Variants in REPS2 observed in about 807,000 individuals in gnomAD.
REPS2 encodes the protein RALBP1 associated Eps domain containing 2, also known as ralBP1-associated Eps domain-containing protein 2.
REPS2 carries 23 observed loss-of-function variants against 53.6 expected under a neutral mutation model. That is an observed-to-expected ratio of 0.43 (90% CI 0.31 to 0.61). REPS2 has a LOEUF of 0.61. Ranked by LOEUF, REPS2 falls within the 20% of genes least tolerant of loss-of-function variation. The pLI is 0.11. For synonymous variants in REPS2, 238 were observed against 218.6 expected, an observed-to-expected ratio of 1.09 and a Z score of -0.78; for missense variants, 446 against 534.9, an observed-to-expected ratio of 0.83 and a Z score of 1.64.
chrX:17,008,374 C>A (rs1479238889), intron 2 of REPS2, among the ~76,000 whole-genome samples: 4 of 112,108 alleles, frequency 3.6e-5, no homozygotes, highest in African/African-American at 1.3e-4. Context: ...AGTCTTTTAC[C>A]TGATTTGTGC....
chrX:17,147,253 C>T (rs760037003), intron 17 of REPS2, among the ~76,000 whole-genome samples, 160 bp from the exon 18 acceptor site: 2 of 111,794 alleles, frequency 1.8e-5, no homozygotes, highest in Non-Finnish European at 3.8e-5. Flanking sequence ...TGGTCACCAG[C>T]ATTAAATCTG....
At chrX:17,024,968 C>T in intron 3 of REPS2, 91 bp from the exon 4 acceptor site, 3 of 1,161,806 alleles carry the variant, frequency 2.6e-6, no homozygotes. Context: ...AGCTGGGTCA[C>T]CAGCAGTAGA....
At chrX:17,049,186 C>A (rs1309712486) in intron 6 of REPS2, among the ~76,000 whole-genome samples, 1 of 112,385 alleles carries the variant, frequency 8.9e-6, no homozygotes, top group Non-Finnish European at 1.9e-5. Context: ...AGCCACCGCA[C>A]CTGGCCTTTT....
chrX:17,189,843 T>G, the REPS2 span, among the ~76,000 whole-genome samples: 1 of 112,126 alleles, frequency 8.9e-6, no homozygotes, highest in Non-Finnish European at 1.9e-5. Flanking sequence ...ACAGACAATA[T>G]TTAAGAGAGT....
At chrX:17,050,194 CTTTTTTTTTTT>C (rs200986826) in intron 6 of REPS2, among the ~76,000 whole-genome samples, 4 of 51,795 alleles carry the variant, frequency 7.7e-5, no homozygotes, top group African/African-American at 3.8e-4. Context: ...TTCTTTCTTT[CTTTTTTTTTTT>C]TTTTTGACAG....
At chrX:16,951,500 TACACAC>T (rs1157042780) in intron 1 of REPS2, among the ~76,000 whole-genome samples, 1,791 of 60,052 alleles carry the variant, frequency 0.03, 47 homozygotes, top group African/African-American at 0.047. Context: ...AAACCCCATC[TACACAC>T]ACACACACAC....
chrX:17,120,974 C>T (rs1224579901), intron 14 of REPS2, among the ~76,000 whole-genome samples: 1 of 111,821 alleles, frequency 8.9e-6, no homozygotes, highest in Non-Finnish European at 1.9e-5. Flanking sequence ...CCCTCCTGCT[C>T]TTATCTCAAG....
the REPS2 span, among the ~76,000 whole-genome samples, chrX:17,174,484 A>G: frequency 8.9e-6 from 1 of 111,739 alleles, no homozygotes; most frequent in Non-Finnish European, 1.9e-5. Context: ...GGTGATTCTA[A>G]TGTGCAGCCA....
At chrX:17,121,385 A>G (rs1331766194) in intron 14 of REPS2, among the ~76,000 whole-genome samples, 2 of 112,372 alleles carry the variant, frequency 1.8e-5, no homozygotes, top group South Asian at 3.7e-4. Flanking sequence ...GAATGCTCCC[A>G]CCATGCTGAC....
chrX:17,027,659 G>GTTTTTTTT (rs761592588), intron 4 of REPS2, among the ~76,000 whole-genome samples: 3 of 67,271 alleles, frequency 4.5e-5, no homozygotes, highest in African/African-American at 6.1e-5. Context: ...AAATCTTTAG[G>GTTTTTTTT]TTTTTTTTTT....
intron 14 of REPS2, among the ~76,000 whole-genome samples, chrX:17,117,948 CTTTTTTT>C (rs145872769): frequency 2.9e-3 from 90 of 30,571 alleles, no homozygotes; most frequent in South Asian, 6.4e-3. Context: ...TGTTTCCTGA[CTTTTTTT>C]TTTTTTTTTT....
intron 12 of REPS2, among the ~76,000 whole-genome samples, chrX:17,076,232 C>G (rs765757103): frequency 8.9e-6 from 1 of 112,166 alleles, no homozygotes; most frequent in Non-Finnish European, 1.9e-5. Context: ...AAATGCCACT[C>G]TAATAGCTAA....
intron 13 of REPS2, among the ~76,000 whole-genome samples, chrX:17,081,674 C>T (rs1330855309): frequency 2.7e-5 from 3 of 111,964 alleles, no homozygotes; most frequent in Admixed American, 1.9e-4. Context: ...GCATCAGACC[C>T]GAGGCATGTG....
At chrX:17,112,149 A>G (rs967513775) in intron 14 of REPS2, among the ~76,000 whole-genome samples, 1 of 110,453 alleles carries the variant, frequency 9.1e-6, no homozygotes. Context: ...TTGTAGAGAC[A>G]GGGTCTTCCT....
At chrX:17,062,587 G>T in intron 9 of REPS2, 55 bp downstream of exon 9, 1 of 868,926 alleles carries the variant, frequency 1.2e-6, no homozygotes, top group Non-Finnish European at 1.6e-6. Flanking sequence ...TAAATCCATT[G>T]GCCTATGTTC....
At chrX:16,958,211 G>C (rs1182996987) in intron 1 of REPS2, among the ~76,000 whole-genome samples, 1 of 111,633 alleles carries the variant, frequency 9.0e-6, no homozygotes, top group Non-Finnish European at 1.9e-5. Flanking sequence ...CAATTGAGAG[G>C]CTATTGCTTT....
intron 13 of REPS2, among the ~76,000 whole-genome samples, chrX:17,086,369 A>G (rs1047544588): frequency 2.7e-5 from 3 of 112,524 alleles, no homozygotes; most frequent in African/African-American, 9.7e-5. Context: ...TCCATGTGTT[A>G]TGATAAAGAT....
chrX:17,044,437 A>G, intron 5 of REPS2: 1 of 118,757 alleles, frequency 8.4e-6, no homozygotes, highest in Non-Finnish European at 1.8e-5. Context: ...GGTGATGGTC[A>G]AGGAAACTGA....
At chrX:17,008,005 C>T (rs2061383650) in intron 2 of REPS2, among the ~76,000 whole-genome samples, 1 of 112,318 alleles carries the variant, frequency 8.9e-6, no homozygotes, top group African/African-American at 3.2e-5. Flanking sequence ...TAGTAAGATG[C>T]TGACAGTAAT....
Sources: gnomAD v4.1 joint callset for allele counts (sites outside exome capture counted in the v4.1 genomes callset) on GRCh38, gnomAD v4.1.1 for gene constraint, MANE v1.5 for transcripts, NCBI Gene and HGNC (gene_info 2026-07-23, HGNC 2026-07-21) for gene names.